The following SIDT2 variants were observed in gnomAD, a reference collection of about 807,000 sequenced individuals.
The protein encoded by SIDT2 is SID1 transmembrane family member 2, also known as SID1 transmembrane family, member 2.
Under a neutral mutation model 114.4 loss-of-function variants are expected in SIDT2, and 68 were observed. The ratio of observed to expected loss-of-function variants is 0.59; its 90% confidence interval spans 0.49 to 0.73. The LOEUF (loss-of-function observed/expected upper bound fraction) is 0.73, where lower values mean the gene tolerates loss of function less well. Ranked by LOEUF, SIDT2 falls within the 30% of genes least tolerant of loss-of-function variation. The pLI is 0.00. For synonymous variants in SIDT2, 470 were observed against 438.4 expected (o/e 1.07, Z -0.90); for missense variants, 918 against 1,097.1 (o/e 0.84, Z 2.31).
In SIDT2 at chr11:117,179,196, G is replaced by A; in HGVS notation, c.-68G>A. 6.7e-7 allele frequency: 1 copy of A among 1,497,382 alleles called. No individual in the cohort carries two copies. Among genetic ancestry groups the A allele is most frequent in the Admixed American group, 2.0e-5 (1 of 50,968 alleles). The allele number at this position is 1,497,382 out of a possible 1,614,324, so 92.8% of individuals were successfully genotyped here. On this transcript the variant is annotated 5_prime_UTR_variant, in exon 1 of 26. Coordinates refer to ENST00000324225, the MANE Select transcript of SIDT2 (RefSeq NM_001040455.2). ...TGCGGCCGCAGCCGCAACCCGTCCC[G>A]GAGGTGTCCTGTCTCCTGTCGCCGC...
At chr11:117,189,708 T>TG in intron 15 of SIDT2, 1 of 600,286 alleles carries the variant, frequency 1.7e-6, no homozygotes, top group South Asian at 2.0e-5. Context: ...CTCTGTCCCG[T>TG]GGGGCAAGAA....
In SIDT2 at chr11:117,191,924, C is replaced by T. The variant is rs777451967; in HGVS notation, c.1782C>T (p.Leu594=). 1 of 1,614,186 alleles carries T rather than the reference C, an allele frequency of 6.2e-7. No homozygotes were observed. The highest frequency in any genetic ancestry group is 1.1e-5 in the South Asian group (1 of 91,084). Residue 594 remains leucine (L), a synonymous_variant, in exon 19 of 26, where the codon CTC becomes CTT. Transcript: ENST00000324225. ...YMIAGLCMLK[L]YQKRHPDINA... is the part of the protein sequence containing the mutation. ...TCGCCGGACTCTGCATGCTGAAGCTCTACCAGAAGCGGCACCCGGACATCA... is the reference window on the plus strand; with the variant it reads ...TCGCCGGACTCTGCATGCTGAAGCTTTACCAGAAGCGGCACCCGGACATCA...
chr11:117,187,592 T>C (rs1177870497), intron 11 of SIDT2, 36 bp from the exon 12 acceptor site: 3 of 1,612,428 alleles, frequency 1.9e-6, no homozygotes. Flanking sequence ...CCCTGCGGCC[T>C]CTCCTTCCTG....
At position 117,187,712 on chromosome 11, in the gene SIDT2, G is replaced by C. The variant is rs1487740884; in HGVS notation, c.1159+13G>C. ...TACGGTTACCAGGGTGAGTGGGCCA[G>C]GCTGGGAGGGGCGGTGTGGTGCAGG... is the stretch of plus-strand genomic sequence containing the variant. On this transcript the variant is annotated intron_variant, in intron 12 of 25. Coordinates refer to ENST00000324225, the MANE Select transcript of SIDT2 (RefSeq NM_001040455.2). The C allele has an allele frequency of 1.2e-6, 2 of 1,613,288 alleles. No individual in the cohort carries two copies. Among genetic ancestry groups the C allele is most frequent in the Middle Eastern group, 1.7e-4 (1 of 6,060 alleles).
Position 117,188,980 on chromosome 11 carries a change from C to T in SIDT2, c.1278+154C>T. On this transcript the variant is annotated intron_variant, in intron 13 of 25. Coordinates refer to ENST00000324225, the MANE Select transcript of SIDT2 (RefSeq NM_001040455.2). The surrounding 1 kb of genome is among the most constrained non-coding windows in gnomAD (Gnocchi z 4.0). Reference sequence around the variant, plus strand: ...CAGATGCCGGGGAAACTAACCTGACCTCCAACCCCTTCCGGCCTGATTGGC... The same window carrying T: ...CAGATGCCGGGGAAACTAACCTGACTTCCAACCCCTTCCGGCCTGATTGGC... 1.0e-6 allele frequency: 1 copy of T among 977,040 alleles called. No individual in the cohort carries two copies. Among genetic ancestry groups the T allele is most frequent in the Non-Finnish European group, 1.6e-6 (1 of 622,348 alleles). 60.5% of individuals were successfully genotyped at this position (977,040 alleles called of 1,614,324 possible). A position where few individuals can be genotyped will look rare whatever the true frequency, so the allele number is the denominator to read the frequency against.
intron 3 of SIDT2, 21 bp downstream of exon 3, chr11:117,181,992 G>T: frequency 6.2e-7 from 1 of 1,614,090 alleles, no homozygotes; most frequent in Admixed American, 1.7e-5. Flanking sequence ...TAGAGTGAGG[G>T]GACCACGGGG....
Position 117,192,389 on chromosome 11 carries a change from G to C in SIDT2, c.1981+27G>C, listed in dbSNP as rs757484871. ...TAAGGGCACGCCCGGGGCAGGGCCTGGGGGAGGGGTCTGGGGGGCCTTGGG... is the reference window on the plus strand; with the variant it reads ...TAAGGGCACGCCCGGGGCAGGGCCTCGGGGAGGGGTCTGGGGGGCCTTGGG... On this transcript the variant is annotated intron_variant, in intron 20 of 25. Transcript: ENST00000324225. This position sits in a 1 kb window ranked among gnomAD's most constrained non-coding sequence, Gnocchi z 5.9. 8.1e-6 allele frequency: 12 copies of C among 1,487,690 alleles called. No homozygotes were observed. The highest frequency in any genetic ancestry group is 1.7e-5 in the Admixed American group (1 of 59,838). 92.2% of individuals were successfully genotyped at this position (1,487,690 alleles called of 1,614,324 possible). A position where few individuals can be genotyped will look rare whatever the true frequency, so the allele number is the denominator to read the frequency against.
intron 3 of SIDT2, 31 bp downstream of exon 3, chr11:117,182,002 G>A: frequency 6.2e-7 from 1 of 1,614,090 alleles, no homozygotes. Flanking sequence ...GGACCACGGG[G>A]GCTGGTTCTT....
Position 117,179,210 on chromosome 11 carries a change from T to G in SIDT2, c.-54T>G. On this transcript the variant is annotated 5_prime_UTR_variant, in exon 1 of 26. Coordinates refer to ENST00000324225, the MANE Select transcript of SIDT2 (RefSeq NM_001040455.2). ...CAACCCGTCCCGGAGGTGTCCTGTC[T>G]CCTGTCGCCGCCGCCGCCGCCACCA... is the stretch of plus-strand genomic sequence containing the variant. The G allele has an allele frequency of 6.4e-7, 1 of 1,569,644 alleles. No homozygotes were observed. Among genetic ancestry groups the G allele is most frequent in the Non-Finnish European group, 8.6e-7 (1 of 1,157,466 alleles).
In SIDT2 at chr11:117,188,591, G is replaced by C; in HGVS notation, c.1160-117G>C. On this transcript the variant is annotated intron_variant, in intron 12 of 25. Coordinates refer to ENST00000324225, the MANE Select transcript of SIDT2 (RefSeq NM_001040455.2). This position sits in a 1 kb window ranked among gnomAD's most constrained non-coding sequence, Gnocchi z 4.0. Reference sequence around the variant, plus strand: ...ACTTCCACCCCAACTCTGAGGCCCAGCCCACAATTTGCCTCTTCCCTACTG... The same window carrying C: ...ACTTCCACCCCAACTCTGAGGCCCACCCCACAATTTGCCTCTTCCCTACTG... The C allele has an allele frequency of 1.3e-6, 1 of 756,122 alleles. No homozygotes were observed. The highest frequency in any genetic ancestry group is 2.3e-6 in the Non-Finnish European group (1 of 433,462). The allele number at this position is 756,122 out of a possible 1,614,324, so 46.8% of individuals were successfully genotyped here.
In SIDT2 at chr11:117,194,075, G is replaced by A. The variant is rs2030801948; in HGVS notation, c.2322+112G>A. 8 of 811,272 alleles carry A rather than the reference G, an allele frequency of 9.9e-6. No individual in the cohort carries two copies. In the South Asian group the frequency reaches 1.1e-4, roughly 11 times the overall value. 50.3% of individuals were successfully genotyped at this position (811,272 alleles called of 1,614,324 possible). On this transcript the variant is annotated intron_variant, in intron 24 of 25. Coordinates refer to ENST00000324225, the MANE Select transcript of SIDT2 (RefSeq NM_001040455.2). ...AATCCCAGCACTTTGGGAAGCTGAG[G>A]CAGGAGGATCACTTGAGGCGTTCAA...
At chr11:117,187,940 T>G (rs920271604) in intron 12 of SIDT2, 2 of 676,572 alleles carry the variant, frequency 3.0e-6, no homozygotes, top group Non-Finnish European at 5.4e-6. Context: ...ATGCGGCAGC[T>G]GTGCATTGCC....
intron 23 of SIDT2, 22 bp downstream of exon 23, chr11:117,193,280 C>T: frequency 1.3e-6 from 2 of 1,590,866 alleles, no homozygotes; most frequent in Non-Finnish European, 1.7e-6. Context: ...TGGCCAAGCC[C>T]CCTCTGTCAG....
chr11:117,190,244 G>T lies in SIDT2; in HGVS notation c.1572G>T (p.Glu524Asp), dbSNP rs749105883. Residue 524 changes from glutamate (E) to aspartate (D), a missense_variant, in exon 17 of 26, where the codon GAG (glutamate) becomes GAT (aspartate). By Grantham distance (45) the Glu-to-Asp change is conservative. Transcript: ENST00000324225. This position sits in a 1 kb window ranked among gnomAD's most constrained non-coding sequence, Gnocchi z 4.1. The part of the protein sequence containing the change: ...LLFLLIILQR[E>D]INHNRALLRN... ...TCCTGCTCATCATCCTGCAACGGGA[G>T]ATCAACCACAACCGGGCCCTGCTGC... 6.4e-7 allele frequency: 1 copy of T among 1,573,482 alleles called. No homozygotes were observed. The highest frequency in any genetic ancestry group is 1.2e-5 in the South Asian group (1 of 83,960).
rs374548243 is a variant in SIDT2 at position 117,179,459 on chromosome 11, G to C, written c.183+13G>C. ...GACCCGCAACAGGGTGAGGGCTGGG[G>C]GCTTAGGGGCCAGAGGCGAGTGGGG... On this transcript the variant is annotated intron_variant, in intron 1 of 25. Transcript: ENST00000324225. The C allele has an allele frequency of 1.9e-4, 300 of 1,609,004 alleles. 1 individual carries two copies. In the African/African-American group the frequency reaches 3.6e-3, roughly 19 times the overall value.
At chr11:117,186,936 T>A in intron 10 of SIDT2, 1 of 1,484,282 alleles carries the variant, frequency 6.7e-7, no homozygotes, top group Non-Finnish European at 9.0e-7. Flanking sequence ...CTCTCTCTCT[T>A]CCACCCCTCC....
At chr11:117,184,395 T>C (rs756607472) in intron 8 of SIDT2, among the ~76,000 whole-genome samples, 4 of 152,356 alleles carry the variant, frequency 2.6e-5, no homozygotes, top group Non-Finnish European at 4.4e-5. Flanking sequence ...TTATCAGCAG[T>C]GTAACCTGAT....
rs1175247849 is a variant in SIDT2 at position 117,191,973 on chromosome 11, G to A, written c.1831G>A (p.Ala611Thr). The A allele has an allele frequency of 1.9e-6, 3 of 1,614,012 alleles. No individual in the cohort carries two copies. Among genetic ancestry groups the A allele is most frequent in the African/African-American group, 1.3e-5 (1 of 74,922 alleles). The change falls in exon 19 of 26, where the codon GCC becomes ACC. Residue 611 changes from alanine (A) to threonine (T), a missense_variant. Physicochemically the swap from Ala to Thr is moderately conservative, Grantham distance 58. Around this residue, in one of 4 missense-constraint regions of SIDT2, gnomAD observed 275 missense variants for 397.6 expected, o/e 0.69. Transcript: ENST00000324225. ...CAACGCCAGCGCCTACAGTGCCTAC[G>A]CCTGCCTGGCCATTGTCATCTTCTT... is the stretch of plus-strand genomic sequence containing the variant. ...DINASAYSAY[A>T]CLAIVIFFSV... is the part of the protein sequence containing the mutation.
Position 117,192,916 on chromosome 11 carries a change from C to T in SIDT2, c.2105+50C>T, listed in dbSNP as rs554502949. The T allele has an allele frequency of 1.4e-4, 225 of 1,609,792 alleles. 1 individual carries two copies. The South Asian group carries it at 1.9e-3, about 14-fold the overall frequency. ...CTGGTTGGGTGGACAGCTGGGGACT[C>T]GGTCAGCCACTGGCTGCCTTGGGGG... On this transcript the variant is annotated intron_variant, in intron 22 of 25. Transcript: ENST00000324225. This position sits in a 1 kb window ranked among gnomAD's most constrained non-coding sequence, Gnocchi z 5.9.
Sources: allele counts gnomAD v4.1 joint callset (sites outside exome capture counted in the v4.1 genomes callset), GRCh38; gene constraint gnomAD v4.1.1; regional missense constraint gnomAD v4.1.1; non-coding constraint Gnocchi (gnomAD v3.1); transcripts MANE v1.5; gene names NCBI Gene and HGNC (gene_info 2026-07-23, HGNC 2026-07-21).